Variants in SDK1 observed in about 807,000 individuals in gnomAD.
SDK1 encodes sidekick cell adhesion molecule 1.
In SDK1, 157 loss-of-function variants were observed where a neutral mutation model predicts 245.5. That is an observed-to-expected ratio of 0.64 (90% confidence interval 0.56 to 0.73). SDK1 has a LOEUF of 0.73. Among genes scored for constraint, SDK1 ranks in the 30% least tolerant of loss-of-function variants. SDK1 has a pLI of 0.00. For missense variants in SDK1, 3,583 were observed against 3,002.3 expected (o/e 1.19, Z -4.52); for synonymous variants, 1,647 against 1,278.5 (o/e 1.29, Z -6.15).
At chr7:3,614,916 CT>C (rs148131080) in intron 1 of SDK1, among the ~76,000 whole-genome samples, 10 of 144,802 alleles carry the variant, frequency 6.9e-5, no homozygotes, top group Admixed American at 2.1e-4. Flanking sequence ...TTAAAATGAG[CT>C]TTTTTTTTCC....
chr7:3,455,590 A>T (rs541765219), intron 1 of SDK1, among the ~76,000 whole-genome samples: 1 of 151,936 alleles, frequency 6.6e-6, no homozygotes, highest in East Asian at 1.9e-4. Context: ...TTAGCTGGGC[A>T]TCTTACTGTG....
At chr7:3,346,600 C>G (rs1461533171) in intron 1 of SDK1, among the ~76,000 whole-genome samples, 1 of 150,146 alleles carries the variant, frequency 6.7e-6, no homozygotes, top group Admixed American at 6.6e-5. Context: ...CTGCAGTCTC[C>G]AACTCGTGCT....
At chr7:3,637,191 G>A (rs935647622) in intron 2 of SDK1, among the ~76,000 whole-genome samples, 20 of 152,166 alleles carry the variant, frequency 1.3e-4, no homozygotes, top group East Asian at 9.7e-4. Flanking sequence ...TCCGCCTCCC[G>A]AGTTCAAGTG....
intron 28 of SDK1, among the ~76,000 whole-genome samples, chr7:4,138,266 T>G (rs1028559317): frequency 6.6e-6 from 1 of 152,152 alleles, no homozygotes; most frequent in Non-Finnish European, 1.5e-5. Context: ...GCGACCCCAC[T>G]GCAAACTCCC....
At chr7:3,826,455 G>C (rs556359370) in intron 5 of SDK1, among the ~76,000 whole-genome samples, 4 of 152,130 alleles carry the variant, frequency 2.6e-5, no homozygotes, top group Non-Finnish European at 5.9e-5. Context: ...TGGCGACGTG[G>C]CTTCTACTAA....
chr7:3,684,171 C>G (rs1158110132), intron 4 of SDK1, among the ~76,000 whole-genome samples: 6 of 152,204 alleles, frequency 3.9e-5, no homozygotes, highest in Non-Finnish European at 5.9e-5. Context: ...CTCAGCAGGT[C>G]TAGCGTGGAG....
At chr7:3,428,521 G>T (rs1779739962) in intron 1 of SDK1, among the ~76,000 whole-genome samples, 1 of 152,132 alleles carries the variant, frequency 6.6e-6, no homozygotes, top group Admixed American at 6.5e-5. Flanking sequence ...GGCACAATCT[G>T]TCTCTTAATG....
intron 1 of SDK1, among the ~76,000 whole-genome samples, chr7:3,581,434 A>C (rs1054616907): frequency 1.3e-5 from 2 of 152,224 alleles, no homozygotes; most frequent in Admixed American, 6.5e-5. Flanking sequence ...ATGCAAATCA[A>C]AACTACAATG....
intron 17 of SDK1, among the ~76,000 whole-genome samples, chr7:4,022,705 G>C (rs991662473): frequency 1.1e-4 from 16 of 151,936 alleles, no homozygotes; most frequent in Non-Finnish European, 4.4e-5. Context: ...GCAGTATGTA[G>C]TGAGCACAGT....
chr7:4,073,174 C>G (rs1780372705), intron 20 of SDK1, among the ~76,000 whole-genome samples: 1 of 152,204 alleles, frequency 6.6e-6, no homozygotes, highest in South Asian at 2.1e-4. Context: ...TCTCTCCTCT[C>G]TCCTCTGGGA....
chr7:4,243,425 C>T (rs1786650767), intron 43 of SDK1, among the ~76,000 whole-genome samples: 1 of 152,144 alleles, frequency 6.6e-6, no homozygotes. Context: ...TTCATCTGTC[C>T]TCACGCTGCT....
At chr7:3,746,321 A>T (rs1185143250) in intron 4 of SDK1, among the ~76,000 whole-genome samples, 3 of 152,180 alleles carry the variant, frequency 2.0e-5, no homozygotes, top group Admixed American at 2.0e-4. Context: ...ACAGGGTCTT[A>T]CCTCATTGGT....
intron 1 of SDK1, among the ~76,000 whole-genome samples, chr7:3,418,599 G>A (rs1016198398): frequency 1.4e-4 from 21 of 152,088 alleles, no homozygotes; most frequent in Middle Eastern, 6.3e-3. Context: ...AAGTCTTCAC[G>A]TGAGCATGAC....
chr7:3,718,960 A>C (rs1427777990), intron 4 of SDK1, among the ~76,000 whole-genome samples: 4 of 152,218 alleles, frequency 2.6e-5, no homozygotes, highest in African/African-American at 9.6e-5. Flanking sequence ...AAAATCCATC[A>C]CGTTTCTATA....
intron 1 of SDK1, among the ~76,000 whole-genome samples, chr7:3,611,398 C>A (rs1008699834): frequency 6.6e-6 from 1 of 152,174 alleles, no homozygotes; most frequent in Non-Finnish European, 1.5e-5. Context: ...GCCTCTAGTT[C>A]ACATTTAATA....
chr7:4,157,438 AAAGGAG>A (rs1562899679), intron 30 of SDK1, among the ~76,000 whole-genome samples: 1 of 103,430 alleles, frequency 9.7e-6, no homozygotes, highest in African/African-American at 5.0e-5. Flanking sequence ...AGGCAAGAGA[AAAGGAG>A]GGAAGGGAGG....
chr7:3,574,138 A>G (rs948253807), intron 1 of SDK1, among the ~76,000 whole-genome samples: 5 of 147,736 alleles, frequency 3.4e-5, no homozygotes, highest in Admixed American at 1.4e-4. Context: ...TTTTTTTGAG[A>G]TGGAGCCTCA....
intron 5 of SDK1, among the ~76,000 whole-genome samples, chr7:3,840,108 A>T (rs909360489): frequency 6.6e-6 from 1 of 152,230 alleles, no homozygotes; most frequent in Non-Finnish European, 1.5e-5. Flanking sequence ...AAACACTTAA[A>T]TGTAAACTTA....
chr7:3,375,774 C>T (rs1024080910), intron 1 of SDK1, among the ~76,000 whole-genome samples: 13 of 152,266 alleles, frequency 8.5e-5, no homozygotes, highest in East Asian at 1.9e-4. Context: ...CTTCAGATGA[C>T]GGCAGCTCTG....
Sources: gnomAD v4.1 joint callset for allele counts (sites outside exome capture counted in the v4.1 genomes callset) on GRCh38, gnomAD v4.1.1 for gene constraint, MANE v1.5 for transcripts, NCBI Gene and HGNC (gene_info 2026-07-23, HGNC 2026-07-21) for gene names.